Variants in CIROZ observed in about 807,000 individuals in gnomAD.
CIROZ encodes the protein ciliated left-right organizer ZP-N domains-containing protein.
the CIROZ span, chr1:10,948,494 C>T: frequency 5.0e-6 from 8 of 1,614,142 alleles, no homozygotes; most frequent in Non-Finnish European, 5.9e-6. Context: ...GTTCAGGCCT[C>T]ACAGTTCCTA....
At chr1:10,946,958 A>G in the CIROZ span, among the ~76,000 whole-genome samples, 1 of 152,170 alleles carries the variant, frequency 6.6e-6, no homozygotes, top group African/African-American at 2.4e-5. Flanking sequence ...GCCTGCAAGC[A>G]TCCCCTCTGC....
At chr1:10,964,253 C>A in the CIROZ span, 2 of 1,613,062 alleles carry the variant, frequency 1.2e-6, no homozygotes, top group Non-Finnish European at 1.7e-6. Context: ...ATTCTGATTT[C>A]CAGCCTGTAA....
At chr1:10,948,058 C>T in the CIROZ span, 1 of 1,613,408 alleles carries the variant, frequency 6.2e-7, no homozygotes, top group South Asian at 1.1e-5. Flanking sequence ...GCCAGCCTCA[C>T]CCTGGGCATC....
At chr1:10,964,513 G>A in the CIROZ span, among the ~76,000 whole-genome samples, 1 of 152,188 alleles carries the variant, frequency 6.6e-6, no homozygotes, top group East Asian at 1.9e-4. Context: ...TTGGGGATTT[G>A]GGGAAGGTCA....
chr1:10,947,935 G>A, the CIROZ span: 1 of 1,613,792 alleles, frequency 6.2e-7, no homozygotes, highest in Non-Finnish European at 8.5e-7. Flanking sequence ...GCTGACTCCA[G>A]GTATCGGGCC....
chr1:10,980,990 C>A, the CIROZ span, among the ~76,000 whole-genome samples: 3 of 152,246 alleles, frequency 2.0e-5, no homozygotes, highest in Admixed American at 2.0e-4. Context: ...TCACAAAACG[C>A]CCAACAAAAG....
chr1:10,958,882 T>C, the CIROZ span: 1 of 848,546 alleles, frequency 1.2e-6, no homozygotes, highest in Admixed American at 2.5e-5. Context: ...TGCCGCAGGG[T>C]TGTTTGCTCA....
chr1:10,957,492 T>C, the CIROZ span: 1 of 1,435,348 alleles, frequency 7.0e-7, no homozygotes, highest in Non-Finnish European at 9.3e-7. Context: ...GGCGCCTGCC[T>C]AAATCTGTCC....
At chr1:10,960,723 C>A in the CIROZ span, among the ~76,000 whole-genome samples, 11 of 152,242 alleles carry the variant, frequency 7.2e-5, no homozygotes, top group African/African-American at 2.7e-4. The surrounding 1 kb of genome is among the most constrained non-coding windows in gnomAD (Gnocchi z 4.6). Context: ...GCGCCATCAG[C>A]GGGGAGAGGC....
chr1:10,957,162 C>T, the CIROZ span: 1 of 1,418,740 alleles, frequency 7.0e-7, no homozygotes, highest in Non-Finnish European at 9.5e-7. Flanking sequence ...CTTCCAGATG[C>T]AGACTCCCTC....
chr1:10,960,114 G>C, the CIROZ span, among the ~76,000 whole-genome samples: 2 of 152,190 alleles, frequency 1.3e-5, no homozygotes, highest in East Asian at 3.8e-4. The surrounding 1 kb of genome is among the most constrained non-coding windows in gnomAD (Gnocchi z 4.6). Flanking sequence ...AAGGCCAGGT[G>C]CAGTGGCTCA....
chr1:10,954,138 C>A, the CIROZ span: 1 of 1,612,020 alleles, frequency 6.2e-7, no homozygotes, highest in Non-Finnish European at 8.5e-7. Context: ...GACTTCTTGG[C>A]ATCGCTGTGG....
the CIROZ span, chr1:10,948,223 T>C: frequency 2.5e-6 from 4 of 1,613,856 alleles, no homozygotes; most frequent in Non-Finnish European, 3.4e-6. Context: ...ATGTGCCCCC[T>C]GGCCCCCTCC....
At chr1:10,952,601 C>T in the CIROZ span, among the ~76,000 whole-genome samples, 1 of 152,202 alleles carries the variant, frequency 6.6e-6, no homozygotes, top group African/African-American at 2.4e-5. Flanking sequence ...ACAATCTCAG[C>T]TCACTGCAAC....
At chr1:10,981,919 G>T in the CIROZ span, 1 of 1,467,808 alleles carries the variant, frequency 6.8e-7, no homozygotes, top group Non-Finnish European at 9.2e-7. Context: ...CAAGGCTTCT[G>T]ATTCTGATGG....
At chr1:10,979,072 A>G in the CIROZ span, among the ~76,000 whole-genome samples, 2 of 152,206 alleles carry the variant, frequency 1.3e-5, no homozygotes, top group African/African-American at 4.8e-5. Context: ...GCTCACTGCA[A>G]TCTCTGCTTC....
At chr1:10,970,266 T>C in the CIROZ span, among the ~76,000 whole-genome samples, 1 of 151,828 alleles carries the variant, frequency 6.6e-6, no homozygotes, top group African/African-American at 2.4e-5. Context: ...AGTGACCCTT[T>C]ACTCCATACA....
the CIROZ span, among the ~76,000 whole-genome samples, chr1:10,947,486 C>T: frequency 0.024 from 3,619 of 152,362 alleles, 145 homozygotes; most frequent in African/African-American, 0.082. Flanking sequence ...ACTCCCTGGC[C>T]TAGATGCCTA....
At chr1:10,963,619 C>T in the CIROZ span, among the ~76,000 whole-genome samples, 9 of 152,046 alleles carry the variant, frequency 5.9e-5, no homozygotes, top group East Asian at 5.8e-4. Context: ...GGAGCACACA[C>T]GGCCATGAAA....
Sources: gnomAD v4.1 joint callset for allele counts (sites outside exome capture counted in the v4.1 genomes callset) on GRCh38, gnomAD v4.1.1 for gene constraint, Gnocchi (gnomAD v3.1) non-coding constraint, MANE v1.5 for transcripts, NCBI Gene and HGNC (gene_info 2026-07-23, HGNC 2026-07-21) for gene names.